DDX60: variants seen among roughly 807,000 people sequenced by gnomAD.
DDX60 encodes probable ATP-dependent RNA helicase DDX60.
A neutral mutation model predicts 212.8 loss-of-function variants in DDX60; 165 were observed. The observed-to-expected ratio is 0.78, with a 90% CI of 0.68 to 0.88. DDX60 has a LOEUF of 0.88. DDX60 is among the 40% of genes least tolerant of loss of function. The pLI is 0.00. For synonymous variants in DDX60, 703 were observed against 685.3 expected (o/e 1.03, Z -0.40); for missense variants, 1,905 against 2,003.9 (o/e 0.95, Z 0.94).
intron 1 of DDX60, among the ~76,000 whole-genome samples, chr4:168,317,057 C>CA (rs34647800): frequency 0.016 from 790 of 49,170 alleles, 7 homozygotes; most frequent in South Asian, 0.038. Context: ...GACTCCGTCT[C>CA]AAAAAAAAAA....
chr4:168,278,362 G>T (rs192344577), intron 14 of DDX60, among the ~76,000 whole-genome samples: 1 of 152,172 alleles, frequency 6.6e-6, no homozygotes. Context: ...TGGAAGACAT[G>T]AATAGAAAAT....
chr4:168,315,699 A>G (rs970738165), intron 1 of DDX60, among the ~76,000 whole-genome samples: 1 of 152,056 alleles, frequency 6.6e-6, no homozygotes, highest in Non-Finnish European at 1.5e-5. Flanking sequence ...TTCCTGTGTT[A>G]GTTTGCTGAG....
In DDX60 at chr4:168,291,926, T is replaced by C. The variant is rs374256662; in HGVS notation, c.883-20A>G. ...GTTCACCTGAATAAAATAAAGAAGGTATAAGCCAGAGAACAGCAGGGTGTG... is the reference window on the plus strand; with the variant it reads ...GTTCACCTGAATAAAATAAAGAAGGCATAAGCCAGAGAACAGCAGGGTGTG... On this transcript the variant is annotated intron_variant, in intron 7 of 37. Transcript: ENST00000393743. 358 of 1,587,812 alleles carry C rather than the reference T, an allele frequency of 2.3e-4. No individual in the cohort carries two copies. Among genetic ancestry groups the C allele is most frequent in the Non-Finnish European group, 2.4e-4 (280 of 1,168,598 alleles).
chr4:168,232,951 T>A (rs1733505906), intron 33 of DDX60, among the ~76,000 whole-genome samples: 1 of 151,850 alleles, frequency 6.6e-6, no homozygotes, highest in African/African-American at 2.4e-5. Flanking sequence ...AATCACAAAC[T>A]ATCCATCCAA....
At chr4:168,249,808 T>A (rs1466241091) in intron 28 of DDX60, among the ~76,000 whole-genome samples, 3 of 152,202 alleles carry the variant, frequency 2.0e-5, no homozygotes, top group Non-Finnish European at 4.4e-5. Context: ...AAATGCTACA[T>A]CTTATTTTTT....
chr4:168,240,192 G>T (rs981536004), intron 30 of DDX60, among the ~76,000 whole-genome samples: 4 of 152,092 alleles, frequency 2.6e-5, no homozygotes, highest in African/African-American at 9.7e-5. Flanking sequence ...CAAGCGGAGA[G>T]CCAAATCACA....
rs1333475131 is a variant in DDX60 at position 168,216,350 on chromosome 4, T to A, written c.*583A>T. 6.6e-6 allele frequency: 1 copy of A among 152,222 alleles called. No individual in the cohort carries two copies. The highest frequency in any genetic ancestry group is 1.5e-5 in the Non-Finnish European group (1 of 68,058). The allele number at this position is 152,222 out of a possible 1,614,324, so 9.4% of individuals were successfully genotyped here. A position where few individuals can be genotyped will look rare whatever the true frequency, so the allele number is the denominator to read the frequency against. On this transcript the variant is annotated 3_prime_UTR_variant, in exon 38 of 38. Transcript: ENST00000393743. ...GCTTTTCCAGTCACTTATATACAAT[T>A]ACAATAAAGCAAATCATTCTCTATA...
chr4:168,293,516 C>T (rs1428953895), intron 7 of DDX60, among the ~76,000 whole-genome samples: 8 of 152,128 alleles, frequency 5.3e-5, no homozygotes, highest in Non-Finnish European at 1.5e-5. Flanking sequence ...AGGCCTCCAC[C>T]AAGTGCTAAT....
intron 8 of DDX60, among the ~76,000 whole-genome samples, chr4:168,290,352 G>A (rs533791396): frequency 8.5e-4 from 120 of 140,730 alleles, no homozygotes; most frequent in African/African-American, 2.9e-3. Flanking sequence ...TTTTTGAGAC[G>A]GAGCCTCGCT....
intron 22 of DDX60, 30 bp from the exon 23 acceptor site, chr4:168,262,817 CTTTAT>C (rs1474073017): frequency 2.8e-6 from 4 of 1,445,396 alleles, no homozygotes; most frequent in East Asian, 5.0e-5. Context: ...AATTTTTACT[CTTTAT>C]TTTATTTTAT....
intron 6 of DDX60, among the ~76,000 whole-genome samples, chr4:168,296,231 TCAAAA>T (rs1040246317): frequency 1.0e-3 from 153 of 152,310 alleles, no homozygotes; most frequent in African/African-American, 3.5e-3. Flanking sequence ...TATACATATA[TCAAAA>T]CAAAACGTTG....
chr4:168,263,068 G>A (rs1007775641), intron 22 of DDX60, among the ~76,000 whole-genome samples: 1 of 152,170 alleles, frequency 6.6e-6, no homozygotes, highest in Non-Finnish European at 1.5e-5. Context: ...AAATCAGAGC[G>A]ATGGGAAGCT....
upstream of DDX60, among the ~76,000 whole-genome samples, chr4:168,322,725 A>C (rs1441595508): frequency 1.3e-5 from 2 of 152,240 alleles, no homozygotes. Flanking sequence ...GACTCATGGC[A>C]CTTGACACGG....
intron 37 of DDX60, among the ~76,000 whole-genome samples, chr4:168,219,362 C>T (rs766463324): frequency 1.2e-4 from 18 of 151,858 alleles, no homozygotes; most frequent in Non-Finnish European, 2.6e-4. Context: ...ACCAACAATG[C>T]TTCAATACTT....
intron 30 of DDX60, among the ~76,000 whole-genome samples, chr4:168,241,754 A>C (rs1733847804): frequency 6.6e-6 from 1 of 152,186 alleles, no homozygotes; most frequent in African/African-American, 2.4e-5. Context: ...ATGGGATAGA[A>C]ATGAAAATCC....
chr4:168,277,262 T>A (rs1241684747), intron 14 of DDX60, among the ~76,000 whole-genome samples: 2 of 152,164 alleles, frequency 1.3e-5, no homozygotes, highest in Admixed American at 6.5e-5. Context: ...CAGGGAAGCA[T>A]GAATACAGTG....
intron 25 of DDX60, among the ~76,000 whole-genome samples, chr4:168,258,867 C>T (rs552350488): frequency 4.6e-5 from 7 of 152,070 alleles, no homozygotes; most frequent in East Asian, 1.9e-4. Flanking sequence ...TTTTCATACC[C>T]GAAGGACAGT....
intron 20 of DDX60, 67 bp downstream of exon 20, chr4:168,268,787 A>C: frequency 1.1e-6 from 1 of 907,570 alleles, no homozygotes; most frequent in Non-Finnish European, 1.7e-6. Flanking sequence ...GAATCCACAG[A>C]GAAATTATGA....
At chr4:168,261,937 T>C (rs1734639487) in intron 24 of DDX60, 63 bp downstream of exon 24, 6 of 1,535,538 alleles carry the variant, frequency 3.9e-6, no homozygotes, top group Non-Finnish European at 5.2e-6. Flanking sequence ...TGGTATTAAC[T>C]GAATGATATA....
Sources: gnomAD v4.1 joint callset for allele counts (sites outside exome capture counted in the v4.1 genomes callset) on GRCh38, gnomAD v4.1.1 for gene constraint, MANE v1.5 for transcripts, NCBI Gene and HGNC (gene_info 2026-07-23, HGNC 2026-07-21) for gene names.